PCDHGA2: variants seen among roughly 807,000 people sequenced by gnomAD.
PCDHGA2 encodes the protein protocadherin gamma subfamily A, 2.
A neutral mutation model predicts 59.2 loss-of-function variants in PCDHGA2; 40 were observed. The observed-to-expected ratio is 0.68, with a 90% CI of 0.52 to 0.88. PCDHGA2 has a LOEUF of 0.88. Among genes scored for constraint, PCDHGA2 ranks in the 40% least tolerant of loss-of-function variants. The pLI is 0.00. For synonymous variants in PCDHGA2, 560 were observed against 526.0 expected, an observed-to-expected ratio of 1.06 and a Z score of -0.89; for missense variants, 1,226 against 1,204.0, an observed-to-expected ratio of 1.02 and a Z score of -0.27.
chr5:141,374,050 T>C (rs1156255025), intron 1 of PCDHGA2: 1 of 1,475,134 alleles, frequency 6.8e-7, no homozygotes, highest in African/African-American at 1.4e-5. Flanking sequence ...TTCTTCCTCT[T>C]CTTAATCCCA....
chr5:141,472,954 C>A (rs2099305799), intron 1 of PCDHGA2, among the ~76,000 whole-genome samples: 1 of 143,370 alleles, frequency 7.0e-6, no homozygotes, highest in Admixed American at 7.3e-5. Flanking sequence ...CCATTGCACT[C>A]CAGCCTGGGG....
intron 1 of PCDHGA2, among the ~76,000 whole-genome samples, chr5:141,437,450 G>A (rs2097885331): frequency 6.6e-6 from 1 of 152,148 alleles, no homozygotes; most frequent in Non-Finnish European, 1.5e-5. Context: ...GAATGTTGAG[G>A]AGACTATACT....
intron 1 of PCDHGA2, among the ~76,000 whole-genome samples, chr5:141,397,021 AC>A (rs1313075505): frequency 6.6e-6 from 1 of 152,234 alleles, no homozygotes; most frequent in Non-Finnish European, 1.5e-5. Context: ...AAGAAGGTTG[AC>A]CAATGTCCAC....
Position 141,370,669 on chromosome 5 carries a change from G to T in PCDHGA2, c.2424+29274G>T, listed in dbSNP as rs370792537. 8.7e-6 allele frequency: 14 copies of T among 1,613,790 alleles called. No homozygotes were observed. The highest frequency in any genetic ancestry group is 1.1e-5 in the Non-Finnish European group (13 of 1,179,912). On this transcript the variant is annotated intron_variant, in intron 1 of 3. Coordinates refer to ENST00000394576, the MANE Select transcript of PCDHGA2 (RefSeq NM_018915.4). ...TTACTTGTGAGCGACCGTATAGACCGAGAGGAGATTTGTGGCAAGAAGTCG... is the reference window on the plus strand; with the variant it reads ...TTACTTGTGAGCGACCGTATAGACCTAGAGGAGATTTGTGGCAAGAAGTCG...
At chr5:141,355,702 C>T (rs1051426274) in intron 1 of PCDHGA2, 53 of 1,613,866 alleles carry the variant, frequency 3.3e-5, no homozygotes, top group Non-Finnish European at 4.4e-5. Context: ...AAACTCCCTG[C>T]AGGGTTACCA....
intron 1 of PCDHGA2, chr5:141,409,412 C>T (rs1261631725): frequency 1.2e-6 from 2 of 1,614,032 alleles, no homozygotes; most frequent in Non-Finnish European, 1.7e-6. Flanking sequence ...CTACTACAAA[C>T]TGGTGACAGA....
In PCDHGA2 at chr5:141,399,285, C is replaced by T. The variant is rs751998465; in HGVS notation, c.2424+57890C>T. 3 of 1,613,720 alleles carry T rather than the reference C, an allele frequency of 1.9e-6. No homozygotes were observed. In the African/African-American group the frequency reaches 4.0e-5, roughly 22 times the overall value. ...TTAATTGTCAATTACAAGGCGAAGTCCCTTTTAAGATTATCTCTTCATCCA... is the reference window on the plus strand; with the variant it reads ...TTAATTGTCAATTACAAGGCGAAGTTCCTTTTAAGATTATCTCTTCATCCA... On this transcript the variant is annotated intron_variant, in intron 1 of 3. Coordinates refer to ENST00000394576, the MANE Select transcript of PCDHGA2 (RefSeq NM_018915.4).
intron 1 of PCDHGA2, chr5:141,403,596 C>T: frequency 6.2e-7 from 1 of 1,613,768 alleles, no homozygotes; most frequent in Non-Finnish European, 8.5e-7. Context: ...CTCACGGCCT[C>T]GGATGGCGGC....
intron 1 of PCDHGA2, chr5:141,349,963 G>T: frequency 3.8e-6 from 1 of 263,892 alleles, no homozygotes; most frequent in Non-Finnish European, 7.1e-6. Context: ...TAAAGACAGG[G>T]TACATAGATT....
intron 1 of PCDHGA2, among the ~76,000 whole-genome samples, chr5:141,459,742 T>C (rs2098974738): frequency 6.6e-6 from 1 of 152,248 alleles, no homozygotes; most frequent in Non-Finnish European, 1.5e-5. Context: ...TTTTAAATTT[T>C]AGCAATTCTA....
chr5:141,441,843 G>T, intron 1 of PCDHGA2: 1 of 356,176 alleles, frequency 2.8e-6, no homozygotes. Context: ...TCGCGCTCTT[G>T]GATATGGTGC....
At chr5:141,394,637 G>C (rs201732776) in intron 1 of PCDHGA2, 4 of 1,613,464 alleles carry the variant, frequency 2.5e-6, no homozygotes, top group African/African-American at 1.3e-5. Flanking sequence ...CCTACCGCCT[G>C]CTCAAGGCCA....
chr5:141,390,330 C>T, intron 1 of PCDHGA2: 1 of 1,600,608 alleles, frequency 6.2e-7, no homozygotes, highest in Non-Finnish European at 8.5e-7. Flanking sequence ...ACCCATTTCT[C>T]CATATTCACA....
Position 141,476,140 on chromosome 5 carries a change from C to G in PCDHGA2, c.2425-18667C>G. On this transcript the variant is annotated intron_variant, in intron 1 of 3. Coordinates refer to ENST00000394576, the MANE Select transcript of PCDHGA2 (RefSeq NM_018915.4). This position sits in a 1 kb window ranked among gnomAD's most constrained non-coding sequence, Gnocchi z 7.6. ...AGATGGTCCCAGAGGCCTGGAGGAGCGGACTGGTAAGCACCGGGAGGGTAG... is the reference window on the plus strand; with the variant it reads ...AGATGGTCCCAGAGGCCTGGAGGAGGGGACTGGTAAGCACCGGGAGGGTAG... The G allele has an allele frequency of 2.5e-6, 4 of 1,609,222 alleles. No individual in the cohort carries two copies. Among genetic ancestry groups the G allele is most frequent in the Non-Finnish European group, 1.7e-6 (2 of 1,178,484 alleles).
rs1260981096 is a variant in PCDHGA2 at position 141,374,541 on chromosome 5, C to T, written c.2424+33146C>T. On this transcript the variant is annotated intron_variant, in intron 1 of 3. Coordinates refer to ENST00000394576, the MANE Select transcript of PCDHGA2 (RefSeq NM_018915.4). Reference sequence around the variant, plus strand: ...AACGCAGCTCCATCCTCTCGTTTTCCACTAATGGAGGTCTATGACCCTGAT... The same window carrying T: ...AACGCAGCTCCATCCTCTCGTTTTCTACTAATGGAGGTCTATGACCCTGAT... 6.8e-6 allele frequency: 11 copies of T among 1,613,170 alleles called. No individual in the cohort carries two copies. Among genetic ancestry groups the T allele is most frequent in the Non-Finnish European group, 9.3e-6 (11 of 1,179,374 alleles).
chr5:141,483,436 C>T, intron 1 of PCDHGA2, among the ~76,000 whole-genome samples: 1 of 152,198 alleles, frequency 6.6e-6, no homozygotes, highest in Non-Finnish European at 1.5e-5. Context: ...GAGCTGACTA[C>T]AATAAAATCA....
rs371964437 is a variant in PCDHGA2, at chr5:141,511,404, C to T, written c.*231C>T. On this transcript the variant is annotated 3_prime_UTR_variant, in exon 4 of 4. Coordinates refer to ENST00000394576, the MANE Select transcript of PCDHGA2 (RefSeq NM_018915.4). ...CCGCTGGGAACCCCCATCCAATCAA[C>T]TGCTGTACCCATGGGGGTAGTGGGG... The T allele has an allele frequency of 7.7e-5, 73 of 947,014 alleles. No individual in the cohort carries two copies. In the East Asian group the frequency reaches 1.8e-3, roughly 23 times the overall value. The allele number at this position is 947,014 out of a possible 1,614,324, so 58.7% of individuals were successfully genotyped here.
At chr5:141,469,312 C>T (rs1387258560) in intron 1 of PCDHGA2, among the ~76,000 whole-genome samples, 2 of 152,064 alleles carry the variant, frequency 1.3e-5, no homozygotes, top group Non-Finnish European at 2.9e-5. Flanking sequence ...CACGATGGCT[C>T]ACGCCTGTAA....
chr5:141,410,202 A>G (rs766392835), intron 1 of PCDHGA2: 2 of 1,614,018 alleles, frequency 1.2e-6, no homozygotes, highest in Non-Finnish European at 1.7e-6. Flanking sequence ...TTCGCAGACA[A>G]CTTGCAAGAG....
Sources: allele counts gnomAD v4.1 joint callset (sites outside exome capture counted in the v4.1 genomes callset), GRCh38; gene constraint gnomAD v4.1.1; non-coding constraint Gnocchi (gnomAD v3.1); transcripts MANE v1.5; gene names NCBI Gene and HGNC (gene_info 2026-07-23, HGNC 2026-07-21).